The following PTPRN2 variants were observed in gnomAD, a reference collection of about 807,000 sequenced individuals.
PTPRN2 encodes the protein protein tyrosine phosphatase receptor type N2.
In PTPRN2, 74 loss-of-function variants were observed where a neutral mutation model predicts 118.8. That is an observed-to-expected ratio of 0.62 (90% confidence interval 0.52 to 0.76). PTPRN2 has a LOEUF of 0.76. Among genes scored for constraint, PTPRN2 ranks in the 30% least tolerant of loss-of-function variants. The pLI, the probability that PTPRN2 is intolerant of heterozygous loss-of-function variation, is 0.00. For synonymous variants in PTPRN2, 641 were observed against 608.0 expected (o/e 1.05, Z -0.80); for missense variants, 1,481 against 1,394.4 (o/e 1.06, Z -0.99).
intron 2 of PTPRN2, among the ~76,000 whole-genome samples, chr7:158,326,702 C>A (rs978703496): frequency 1.4e-5 from 2 of 142,304 alleles, no homozygotes; most frequent in Non-Finnish European, 3.0e-5. Context: ...ATGCACACAT[C>A]CTCACACATG....
chr7:157,827,822 G>T (rs1807288850), intron 12 of PTPRN2, among the ~76,000 whole-genome samples: 1 of 152,226 alleles, frequency 6.6e-6, no homozygotes, highest in Non-Finnish European at 1.5e-5. Context: ...TTGACTCAGG[G>T]ACGGCCACCG....
At position 158,081,269 on chromosome 7, in the gene PTPRN2, CGTGTACGTGTGTGT is replaced by C. The variant is rs749326061; in HGVS notation, c.1723+15_1723+28del. On this transcript the variant is annotated intron_variant, in intron 11 of 22. Coordinates refer to ENST00000389418, the MANE Select transcript of PTPRN2 (RefSeq NM_002847.5). ...GTGTGTGTGCACACACGTGTGTGTG[CGTGTACGTGTGTGT>C]GGAAACAGCCTCACCTGTGGCCTTC... The C allele has an allele frequency of 1.1e-5, 18 of 1,571,494 alleles. No homozygotes were observed. In the East Asian group the frequency reaches 1.3e-4, roughly 12 times the overall value.
At chr7:158,425,848 C>T (rs1183611546) in intron 2 of PTPRN2, among the ~76,000 whole-genome samples, 13 of 132,338 alleles carry the variant, frequency 9.8e-5, no homozygotes, top group African/African-American at 1.9e-4. Context: ...GCCTGCGCAC[C>T]GCCGGGAAAG....
At chr7:158,094,932 G>A (rs1416622018) in intron 10 of PTPRN2, among the ~76,000 whole-genome samples, 1 of 152,152 alleles carries the variant, frequency 6.6e-6, no homozygotes, top group African/African-American at 2.4e-5. Context: ...TGGACACGCA[G>A]GCTGCTAACT....
At chr7:157,851,702 C>G (rs1560954) in intron 12 of PTPRN2, among the ~76,000 whole-genome samples, 1 of 152,036 alleles carries the variant, frequency 6.6e-6, no homozygotes, top group Admixed American at 6.5e-5. Flanking sequence ...CCTAACAAAA[C>G]CCCTGAGCAA....
chr7:157,865,039 G>C (rs1379457030), intron 12 of PTPRN2: 2 of 152,570 alleles, frequency 1.3e-5, no homozygotes, highest in African/African-American at 4.8e-5. Context: ...CTCCCCTCCT[G>C]GGCACGTGGC....
chr7:157,901,054 C>T (rs1797407498), intron 11 of PTPRN2, among the ~76,000 whole-genome samples: 1 of 152,182 alleles, frequency 6.6e-6, no homozygotes, highest in Admixed American at 6.5e-5. Context: ...CTTCCACTTG[C>T]AGTGGAAGGT....
chr7:158,439,463 C>A (rs1816819426), intron 2 of PTPRN2, among the ~76,000 whole-genome samples: 1 of 151,338 alleles, frequency 6.6e-6, no homozygotes, highest in South Asian at 2.1e-4. Context: ...GAGACAGGGA[C>A]AGAGAAGAAG....
chr7:157,745,390 G>A (rs1390024358), intron 12 of PTPRN2, among the ~76,000 whole-genome samples: 1 of 152,060 alleles, frequency 6.6e-6, no homozygotes, highest in East Asian at 1.9e-4. Context: ...GGTGGTCTGC[G>A]GGAGGCAGGC....
chr7:158,364,205 CCCCATCCTCACTTCACCTGCCT>C (rs1809248141), intron 2 of PTPRN2, among the ~76,000 whole-genome samples: 2 of 148,790 alleles, frequency 1.3e-5, no homozygotes, highest in South Asian at 4.4e-4. Flanking sequence ...TCTGCAGAAC[CCCCATCCTCACTTCACCTGCCT>C]CTCGCCATGC....
rs1812410727 is a variant in PTPRN2 at position 158,395,745 on chromosome 7, CGAGGGGT to C, written c.164-78820_164-78814del. 8.4e-5 allele frequency among the ~76,000 whole-genome samples: 2 copies of C among 23,742 alleles called. 1 individual carries two copies. The highest frequency in any genetic ancestry group is 1.6e-4 in the Non-Finnish European group (2 of 12,182). 15.6% of individuals were successfully genotyped at this position (23,742 alleles called of 152,430 possible). On this transcript the variant is annotated intron_variant, in intron 2 of 22. Transcript: ENST00000389418. The stretch of plus-strand genomic sequence containing the variant: ...GGCGCGAGGGGAGAGGGGAGAGGGG[CGAGGGGT>C]GAGGCGCGAGGGGCGAGGGGTGAGG...
At chr7:157,878,286 A>T (rs1486568505) in intron 12 of PTPRN2, among the ~76,000 whole-genome samples, 2 of 152,058 alleles carry the variant, frequency 1.3e-5, no homozygotes, top group Non-Finnish European at 2.9e-5. Flanking sequence ...TCAGTGTGAT[A>T]CCGTGCACCC....
chr7:157,668,970 G>A (rs1455303480), intron 13 of PTPRN2, among the ~76,000 whole-genome samples: 1 of 152,238 alleles, frequency 6.6e-6, no homozygotes, highest in Non-Finnish European at 1.5e-5. Flanking sequence ...AAAACTCAGA[G>A]GGACTCAGAA....
chr7:158,301,017 A>G (rs1476888877), intron 3 of PTPRN2, among the ~76,000 whole-genome samples: 1 of 152,246 alleles, frequency 6.6e-6, no homozygotes, highest in South Asian at 2.1e-4. Context: ...ATTTGAAACC[A>G]GCAACGCACG....
chr7:158,446,974 G>T (rs972854753), intron 2 of PTPRN2, among the ~76,000 whole-genome samples: 2 of 152,214 alleles, frequency 1.3e-5, no homozygotes, highest in African/African-American at 2.4e-5. Flanking sequence ...AGAAGCCCAC[G>T]GGTGGCTTTG....
Position 158,270,911 on chromosome 7 carries a change from C to T in PTPRN2, c.277+45908G>A, listed in dbSNP as rs182770199. Among the ~76,000 whole-genome samples, 116 of 37,850 alleles carry T rather than the reference C, an allele frequency of 3.1e-3. 9 individuals are homozygous for T. Among genetic ancestry groups the T allele is most frequent in the African/African-American group, 7.4e-3 (50 of 6,796 alleles). The allele number at this position is 37,850 out of a possible 152,430, so 24.8% of individuals were successfully genotyped here. ...GACCCCCTCCACCTGGACCACCCCC[C>T]CCACCTGGACCACCCCCCCCACCTG... is the stretch of plus-strand genomic sequence containing the variant. On this transcript the variant is annotated intron_variant, in intron 3 of 22. Transcript: ENST00000389418.
chr7:157,901,084 G>A (rs918250238), intron 11 of PTPRN2, among the ~76,000 whole-genome samples: 3 of 152,230 alleles, frequency 2.0e-5, no homozygotes, highest in Non-Finnish European at 4.4e-5. Flanking sequence ...CATGCAGTGT[G>A]CAGAGCTCAC....
chr7:157,962,633 A>G (rs1317416719), intron 11 of PTPRN2, among the ~76,000 whole-genome samples: 1 of 152,236 alleles, frequency 6.6e-6, no homozygotes. Context: ...CAGCCTGCAC[A>G]TGGCAGGTAC....
At chr7:157,566,790 C>G (rs1449612589) in intron 21 of PTPRN2, among the ~76,000 whole-genome samples, 1 of 152,244 alleles carries the variant, frequency 6.6e-6, no homozygotes, top group Non-Finnish European at 1.5e-5. Context: ...ACATACTTCT[C>G]CATGTTTCCT....
Sources: gnomAD v4.1 joint callset for allele counts (sites outside exome capture counted in the v4.1 genomes callset) on GRCh38, gnomAD v4.1.1 for gene constraint, MANE v1.5 for transcripts, NCBI Gene and HGNC (gene_info 2026-07-23, HGNC 2026-07-21) for gene names.